The following ATP8A1 variants were observed in gnomAD, a reference collection of about 807,000 sequenced individuals.
ATP8A1 encodes ATPase phospholipid transporting 8A1.
A neutral mutation model predicts 177.7 loss-of-function variants in ATP8A1; 90 were observed. The ratio of observed to expected loss-of-function variants is 0.51; its 90% CI spans 0.43 to 0.60. The LOEUF is 0.60. ATP8A1 is among the 20% of genes least tolerant of loss of function. The probability of loss-of-function intolerance (pLI) is 0.00; values close to 1 mark genes in which losing one functional copy is unlikely to be tolerated. For missense variants in ATP8A1, 1,072 were observed against 1,392.8 expected (o/e 0.77, Z 3.67); for synonymous variants, 493 against 485.9 (o/e 1.01, Z -0.19).
intron 33 of ATP8A1, among the ~76,000 whole-genome samples, chr4:42,428,825 T>C (rs919873430): frequency 1.3e-5 from 2 of 152,178 alleles, no homozygotes; most frequent in African/African-American, 4.8e-5. Flanking sequence ...AAAGCGCCCA[T>C]GCTCACTCTT....
At chr4:42,490,366 C>T (rs760209788) in intron 24 of ATP8A1, among the ~76,000 whole-genome samples, 4 of 152,174 alleles carry the variant, frequency 2.6e-5, no homozygotes, top group Non-Finnish European at 4.4e-5. Flanking sequence ...TACTCCAGCT[C>T]CCTCTTCTTA....
chr4:42,559,011 CA>C (rs1158135403), intron 15 of ATP8A1, among the ~76,000 whole-genome samples: 1 of 152,042 alleles, frequency 6.6e-6, no homozygotes, highest in Admixed American at 6.6e-5. Flanking sequence ...CCTGTCTCTG[CA>C]AAAAATTAAA....
chr4:42,550,695 G>A (rs1729414704), intron 18 of ATP8A1, among the ~76,000 whole-genome samples: 1 of 152,206 alleles, frequency 6.6e-6, no homozygotes, highest in Admixed American at 6.5e-5. Context: ...GCTTTGGGAG[G>A]CTGAGGTGGG....
chr4:42,470,375 T>C lies in ATP8A1; in HGVS notation c.2325-5299A>G, dbSNP rs188052449. 2.0e-4 allele frequency among the ~76,000 whole-genome samples: 31 copies of C among 152,346 alleles called. 1 individual carries two copies. Among genetic ancestry groups the C allele is most frequent in the Admixed American group, 1.9e-3 (29 of 15,310 alleles). On this transcript the variant is annotated intron_variant, in intron 25 of 36. Coordinates refer to ENST00000381668, the MANE Select transcript of ATP8A1 (RefSeq NM_006095.2). Reference sequence around the variant, plus strand: ...TTTACCATTTAAGCTAAGAAGTATATAGGTGGTCCATCTTACATGAAGCTT... The same window carrying C: ...TTTACCATTTAAGCTAAGAAGTATACAGGTGGTCCATCTTACATGAAGCTT...
intron 20 of ATP8A1, among the ~76,000 whole-genome samples, chr4:42,527,484 C>G (rs918649033): frequency 6.6e-6 from 1 of 152,150 alleles, no homozygotes; most frequent in African/African-American, 2.4e-5. Flanking sequence ...TTGCCATCAG[C>G]CTTTCCACTT....
chr4:42,585,584 G>A (rs932357267), intron 9 of ATP8A1, among the ~76,000 whole-genome samples: 4 of 149,746 alleles, frequency 2.7e-5, no homozygotes, highest in African/African-American at 9.9e-5. Context: ...CTTGATTTCG[G>A]ACTCCCCAGT....
At chr4:42,626,972 T>C (rs750576133) in intron 2 of ATP8A1, 23 bp downstream of exon 2, 9 of 1,576,928 alleles carry the variant, frequency 5.7e-6, no homozygotes, top group Non-Finnish European at 7.9e-6. Flanking sequence ...GCTGGTCTCA[T>C]GGCATTCTTT....
intron 35 of ATP8A1, among the ~76,000 whole-genome samples, chr4:42,415,411 T>C (rs1713122178): frequency 6.6e-6 from 1 of 152,202 alleles, no homozygotes; most frequent in Non-Finnish European, 1.5e-5. Context: ...GATAATTATG[T>C]AACTTCTAAA....
intron 25 of ATP8A1, among the ~76,000 whole-genome samples, chr4:42,479,996 T>TGTGTGTGTGTGTG (rs1721493242): frequency 2.9e-5 from 4 of 135,658 alleles, no homozygotes; most frequent in East Asian, 4.4e-4. Context: ...GCAGTTCTGC[T>TGTGTGTGTGTGTG]TGTGTGTGTG....
chr4:42,506,850 G>C (rs1724413462), intron 23 of ATP8A1, among the ~76,000 whole-genome samples, 166 bp downstream of exon 23: 1 of 152,168 alleles, frequency 6.6e-6, no homozygotes, highest in Non-Finnish European at 1.5e-5. Flanking sequence ...ATCCACATGT[G>C]CCACTTATGG....
Position 42,477,923 on chromosome 4 carries a change from C to T in ATP8A1, c.2324+7573G>A, listed in dbSNP as rs552095733. 1.8e-4 allele frequency among the ~76,000 whole-genome samples: 27 copies of T among 151,896 alleles called. No homozygotes were observed. The South Asian group carries it at 4.8e-3, about 27-fold the overall frequency. On this transcript the variant is annotated intron_variant, in intron 25 of 36. Coordinates refer to ENST00000381668, the MANE Select transcript of ATP8A1 (RefSeq NM_006095.2). The stretch of plus-strand genomic sequence containing the variant: ...GCTTGAGCCTTGGAGGTCGAAGCTT[C>T]GGTGAGCTAAGATCAGGCTGCACTC...
At chr4:42,589,972 A>G (rs565791687) in intron 7 of ATP8A1, among the ~76,000 whole-genome samples, 93 of 152,296 alleles carry the variant, frequency 6.1e-4, no homozygotes, top group African/African-American at 2.1e-3. Flanking sequence ...AATTCAGAAC[A>G]TTCTCAACAA....
intron 10 of ATP8A1, among the ~76,000 whole-genome samples, chr4:42,581,128 C>A (rs760723983): frequency 1.3e-5 from 2 of 151,774 alleles, no homozygotes; most frequent in Non-Finnish European, 2.9e-5. Context: ...GTGCAGTTAG[C>A]CATTCTTTTT....
intron 6 of ATP8A1, among the ~76,000 whole-genome samples, chr4:42,596,666 C>CAAAAAAAAAAAAAAAAAAAAAAAAAAA (rs71648737): frequency 1.4e-5 from 1 of 74,024 alleles, no homozygotes. Context: ...GACTCCATCT[C>CAAAAAAAAAAAAAAAAAAAAAAAAAAA]AAAAAAAAAA....
rs1277722785 is a variant in ATP8A1 at position 42,648,152 on chromosome 4, A to G, written c.49+8673T>C. ...TAAATTTATAAACAATGCAATTCCAATAAATATTCCAACATGTTTTTTAAC... is the reference window on the plus strand; with the variant it reads ...TAAATTTATAAACAATGCAATTCCAGTAAATATTCCAACATGTTTTTTAAC... On this transcript the variant is annotated intron_variant, in intron 1 of 36. Transcript: ENST00000381668. Among the ~76,000 whole-genome samples, 4 of 152,364 alleles carry G rather than the reference A, an allele frequency of 2.6e-5. No individual in the cohort carries two copies. In the East Asian group the frequency reaches 5.8e-4, roughly 22 times the overall value.
At chr4:42,606,207 T>C (rs1236994306) in intron 5 of ATP8A1, among the ~76,000 whole-genome samples, 1 of 152,170 alleles carries the variant, frequency 6.6e-6, no homozygotes, top group East Asian at 1.9e-4. Flanking sequence ...CTTCACAGGA[T>C]GTATTCACAG....
chr4:42,493,651 T>C (rs984475763), intron 24 of ATP8A1, among the ~76,000 whole-genome samples: 10 of 152,194 alleles, frequency 6.6e-5, no homozygotes, highest in Non-Finnish European at 1.0e-4. Flanking sequence ...CTGTGTGGTA[T>C]TGGAAAGGTT....
At chr4:42,452,465 GCTT>G (rs1718031397) in intron 29 of ATP8A1, among the ~76,000 whole-genome samples, 1 of 152,118 alleles carries the variant, frequency 6.6e-6, no homozygotes, top group South Asian at 2.1e-4. Flanking sequence ...ATAACTGTAA[GCTT>G]TCCAATGCTA....
intron 4 of ATP8A1, among the ~76,000 whole-genome samples, chr4:42,616,647 T>C (rs1418134577): frequency 6.6e-6 from 1 of 152,144 alleles, no homozygotes; most frequent in Non-Finnish European, 1.5e-5. Flanking sequence ...CAGCATTCCC[T>C]CCTCCCACCA....
Sources: allele counts gnomAD v4.1 joint callset (sites outside exome capture counted in the v4.1 genomes callset), GRCh38; gene constraint gnomAD v4.1.1; transcripts MANE v1.5; gene names NCBI Gene and HGNC (gene_info 2026-07-23, HGNC 2026-07-21).